NRXN3: variants seen among roughly 807,000 people sequenced by gnomAD.
NRXN3 encodes neurexin III.
In NRXN3, 32 loss-of-function variants were observed where a neutral mutation model predicts 137.6. That is an observed-to-expected ratio of 0.23 (90% CI 0.18 to 0.31). NRXN3 has a LOEUF of 0.31. NRXN3 is among the 10% of genes least tolerant of loss of function. NRXN3 has a pLI of 1.00. For synonymous variants in NRXN3, 798 were observed against 784.5 expected, an observed-to-expected ratio of 1.02 and a Z score of -0.29; for missense variants, 1,574 against 2,062.5, an observed-to-expected ratio of 0.76 and a Z score of 4.59.
intron 19 of NRXN3, among the ~76,000 whole-genome samples, chr14:79,748,228 G>A (rs552985612): frequency 1.3e-5 from 2 of 151,938 alleles, no homozygotes; most frequent in Admixed American, 6.6e-5. Context: ...CTAAAAGCAA[G>A]CTTTATGCCA....
At chr14:78,995,153 A>G (rs2099527330) in intron 15 of NRXN3, among the ~76,000 whole-genome samples, 2 of 152,222 alleles carry the variant, frequency 1.3e-5, no homozygotes, top group African/African-American at 2.4e-5. Flanking sequence ...CTGCATAAAA[A>G]CATAGAACTG....
At chr14:78,862,142 C>G (rs1473159937) in intron 10 of NRXN3, among the ~76,000 whole-genome samples, 1 of 152,050 alleles carries the variant, frequency 6.6e-6, no homozygotes, top group Non-Finnish European at 1.5e-5. Context: ...TATACACATA[C>G]TATTTACTTA....
intron 4 of NRXN3, among the ~76,000 whole-genome samples, chr14:78,506,752 C>T (rs191793804): frequency 1.3e-5 from 2 of 150,102 alleles, no homozygotes; most frequent in African/African-American, 4.9e-5. Context: ...ATGCTACAGC[C>T]CTAAATTCCT....
At chr14:78,221,201 T>G in intron 1 of NRXN3, among the ~76,000 whole-genome samples, 1 of 150,820 alleles carries the variant, frequency 6.6e-6, no homozygotes, top group African/African-American at 2.4e-5. Context: ...GAGAATGGAG[T>G]ATGGGAGGGA....
intron 15 of NRXN3, among the ~76,000 whole-genome samples, chr14:79,371,439 C>T (rs2094106607): frequency 6.6e-6 from 1 of 152,032 alleles, no homozygotes; most frequent in Non-Finnish European, 1.5e-5. Context: ...GTCCTACTAA[C>T]ATTCTTGATT....
intron 10 of NRXN3, among the ~76,000 whole-genome samples, chr14:78,859,516 G>A (rs1353267253): frequency 6.6e-6 from 1 of 152,040 alleles, no homozygotes; most frequent in Non-Finnish European, 1.5e-5. Flanking sequence ...GTTGAGCTTG[G>A]CGTTTATAAC....
intron 15 of NRXN3, among the ~76,000 whole-genome samples, chr14:79,319,739 C>G (rs1199163164): frequency 6.6e-6 from 1 of 152,086 alleles, no homozygotes; most frequent in East Asian, 1.9e-4. Flanking sequence ...TAGGTAAGCT[C>G]AGAATTATAG....
chr14:79,014,134 G>T (rs1336570618), intron 15 of NRXN3, among the ~76,000 whole-genome samples: 1 of 152,070 alleles, frequency 6.6e-6, no homozygotes, highest in Non-Finnish European at 1.5e-5. Context: ...TTAGGTTCAG[G>T]GGTACATGTG....
chr14:79,435,666 C>T (rs941386428), intron 15 of NRXN3, among the ~76,000 whole-genome samples: 2 of 151,770 alleles, frequency 1.3e-5, no homozygotes, highest in Admixed American at 6.6e-5. Flanking sequence ...GACAGGATCT[C>T]GCTCTGTCAC....
intron 4 of NRXN3, among the ~76,000 whole-genome samples, chr14:78,537,953 T>A (rs1367382742): frequency 1.3e-5 from 2 of 152,238 alleles, no homozygotes; most frequent in African/African-American, 2.4e-5. Flanking sequence ...GCCTCTGTTC[T>A]GTTTCATTGG....
At chr14:79,822,331 G>C (rs1407848439) in intron 20 of NRXN3, among the ~76,000 whole-genome samples, 1 of 152,160 alleles carries the variant, frequency 6.6e-6, no homozygotes, top group African/African-American at 2.4e-5. Context: ...GGACAATATG[G>C]TGAGTCTGCA....
intron 15 of NRXN3, among the ~76,000 whole-genome samples, chr14:79,189,985 T>C (rs531473888): frequency 2.0e-5 from 3 of 152,334 alleles, no homozygotes; most frequent in African/African-American, 7.2e-5. Flanking sequence ...CTTGAATATA[T>C]GTTCTGACAA....
chr14:78,502,458 G>A (rs1483324212), intron 4 of NRXN3, among the ~76,000 whole-genome samples: 8 of 152,158 alleles, frequency 5.3e-5, no homozygotes, highest in African/African-American at 9.7e-5. Context: ...ACTAGGTCTC[G>A]AGCTGCAGGC....
intron 4 of NRXN3, among the ~76,000 whole-genome samples, chr14:78,326,013 C>A (rs1212575268): frequency 6.6e-6 from 1 of 152,170 alleles, no homozygotes; most frequent in African/African-American, 2.4e-5. Flanking sequence ...CCAGAAACCC[C>A]CTTAGTCCTG....
At chr14:78,625,190 T>C (rs2097445858) in intron 4 of NRXN3, among the ~76,000 whole-genome samples, 1 of 152,220 alleles carries the variant, frequency 6.6e-6, no homozygotes, top group South Asian at 2.1e-4. Flanking sequence ...CATCTCCAAG[T>C]TTCCTTCTAG....
intron 6 of NRXN3, among the ~76,000 whole-genome samples, chr14:78,685,635 T>A (rs2098118509): frequency 6.8e-6 from 1 of 147,686 alleles, no homozygotes; most frequent in Non-Finnish European, 1.5e-5. Context: ...GTCACTTTTT[T>A]TTTTTTTTTT....
intron 4 of NRXN3, among the ~76,000 whole-genome samples, chr14:78,610,055 G>A (rs1285023910): frequency 3.4e-5 from 5 of 149,064 alleles, no homozygotes; most frequent in African/African-American, 1.0e-4. Flanking sequence ...AGAGAGAGAG[G>A]AGAGAGAGAA....
intron 10 of NRXN3, among the ~76,000 whole-genome samples, chr14:78,925,772 G>A (rs541405197): frequency 1.1e-4 from 17 of 152,254 alleles, no homozygotes; most frequent in South Asian, 4.1e-4. Flanking sequence ...ATAAAAACCC[G>A]CCAAGGAGGG....
chr14:78,792,589 A>G (rs1337874962), intron 8 of NRXN3, among the ~76,000 whole-genome samples: 1 of 152,214 alleles, frequency 6.6e-6, no homozygotes, highest in African/African-American at 2.4e-5. Flanking sequence ...TTGAAAGAGC[A>G]TGTTAAGTTG....
Sources: allele counts gnomAD v4.1 joint callset (sites outside exome capture counted in the v4.1 genomes callset), GRCh38; gene constraint gnomAD v4.1.1; transcripts MANE v1.5; gene names NCBI Gene and HGNC (gene_info 2026-07-23, HGNC 2026-07-21).